The following DLG2 variants were observed in gnomAD, a reference collection of about 807,000 sequenced individuals.
The protein encoded by DLG2 is discs large MAGUK scaffold protein 2, also known as disks large homolog 2.
In DLG2, 45 loss-of-function variants were observed where a neutral mutation model predicts 132.5. The ratio of observed to expected loss-of-function variants is 0.34; its 90% CI spans 0.27 to 0.44. The LOEUF (loss-of-function observed/expected upper bound fraction) is 0.44, where lower values mean the gene tolerates loss of function less well. DLG2 is among the 20% of genes least tolerant of loss of function. The probability of loss-of-function intolerance (pLI) is 1.00; values close to 1 mark genes in which losing one functional copy is unlikely to be tolerated. For synonymous variants in DLG2, 424 were observed against 419.6 expected (o/e 1.01, Z -0.13); for missense variants, 1,045 against 1,196.9 (o/e 0.87, Z 1.87).
intron 6 of DLG2, chr11:84,546,943 G>A (rs1253250574): frequency 1.9e-5 from 3 of 157,724 alleles, no homozygotes; most frequent in East Asian, 1.8e-4. Flanking sequence ...TAAGTTTCTA[G>A]AACCTCAGTT....
At chr11:84,111,999 T>A (rs559157713) in intron 9 of DLG2, among the ~76,000 whole-genome samples, 1 of 152,242 alleles carries the variant, frequency 6.6e-6, no homozygotes, top group African/African-American at 2.4e-5. Flanking sequence ...GACTTTTTTT[T>A]TAACCACTTT....
chr11:84,972,313 A>T (rs2054216877), intron 6 of DLG2, among the ~76,000 whole-genome samples: 1 of 149,540 alleles, frequency 6.7e-6, no homozygotes, highest in Non-Finnish European at 1.5e-5. Flanking sequence ...TCTTTCCTAT[A>T]AAAAAAAACT....
intron 6 of DLG2, among the ~76,000 whole-genome samples, chr11:84,874,236 TATAA>T (rs2085953868): frequency 6.6e-6 from 1 of 152,174 alleles, no homozygotes; most frequent in Non-Finnish European, 1.5e-5. Context: ...CTGACTATCT[TATAA>T]ATAGTCAAGG....
chr11:85,505,583 T>C (rs548695269), intron 3 of DLG2, among the ~76,000 whole-genome samples: 2 of 152,328 alleles, frequency 1.3e-5, no homozygotes, highest in South Asian at 4.1e-4. Context: ...TTGATGGTGG[T>C]GGATAAGATT....
At position 85,475,991 on chromosome 11, in the gene DLG2, C is replaced by A. The variant is rs374016416; in HGVS notation, c.40+122666G>T. On this transcript the variant is annotated intron_variant, in intron 3 of 27. Coordinates refer to ENST00000376104, the MANE Select transcript of DLG2 (RefSeq NM_001142699.3). Reference sequence around the variant, plus strand: ...TACTAACAAACAATCTATAGTTATGCATTGTTTAATGACAGGGATATGTTC... The same window carrying A: ...TACTAACAAACAATCTATAGTTATGAATTGTTTAATGACAGGGATATGTTC... Among the ~76,000 whole-genome samples the A allele has an allele frequency of 8.5e-5, 13 of 152,230 alleles. No individual in the cohort carries two copies. The South Asian group carries it at 1.5e-3, about 17-fold the overall frequency.
chr11:85,538,233 C>A (rs2075733199), intron 3 of DLG2, among the ~76,000 whole-genome samples: 1 of 151,936 alleles, frequency 6.6e-6, no homozygotes, highest in Non-Finnish European at 1.5e-5. Flanking sequence ...ACACACTATC[C>A]CCCAAAGCCA....
At chr11:84,966,286 T>C (rs1017846869) in intron 6 of DLG2, among the ~76,000 whole-genome samples, 1 of 152,034 alleles carries the variant, frequency 6.6e-6, no homozygotes, top group African/African-American at 2.4e-5. Flanking sequence ...AGTATTACAG[T>C]TCACATAAAA....
chr11:84,000,702 T>C (rs1381679131), intron 11 of DLG2, among the ~76,000 whole-genome samples: 1 of 152,012 alleles, frequency 6.6e-6, no homozygotes, highest in East Asian at 1.9e-4. Flanking sequence ...GGAAATGCAA[T>C]GATATATTAA....
chr11:85,581,406 TG>T (rs1345415069), intron 3 of DLG2, among the ~76,000 whole-genome samples: 2 of 151,596 alleles, frequency 1.3e-5, no homozygotes, highest in Non-Finnish European at 2.9e-5. Flanking sequence ...TGCACTCAGT[TG>T]AAGACCAGCC....
At chr11:85,404,298 G>C (rs538050279) in intron 3 of DLG2, among the ~76,000 whole-genome samples, 23 of 151,980 alleles carry the variant, frequency 1.5e-4, no homozygotes, top group African/African-American at 4.8e-4. Flanking sequence ...ATTCAGAAGA[G>C]GACCAAAGAT....
Position 84,099,049 on chromosome 11 carries a change from T to G in DLG2, c.625-2A>C. 6.2e-7 allele frequency: 1 copy of G among 1,612,366 alleles called. No homozygotes were observed. The highest frequency in any genetic ancestry group is 8.5e-7 in the Non-Finnish European group (1 of 1,178,762). On this transcript the variant is annotated splice_acceptor_variant, in intron 9 of 27. Transcript: ENST00000376104. LOFTEE classifies it high-confidence loss of function. The stretch of plus-strand genomic sequence containing the variant: ...ACTGAATCCCAGGCCAGAATTCCCC[T>G]ATAGAAACAAAAAGCAGATATTAAA...
chr11:84,396,387 TA>T (rs565615067), intron 7 of DLG2, among the ~76,000 whole-genome samples: 135 of 151,688 alleles, frequency 8.9e-4, no homozygotes, highest in African/African-American at 2.6e-3. Context: ...AAAGATACTT[TA>T]AAAAAAAATA....
intron 7 of DLG2, among the ~76,000 whole-genome samples, chr11:84,408,684 C>G (rs2098875297): frequency 6.6e-6 from 1 of 152,214 alleles, no homozygotes. Flanking sequence ...GAAGCAAGCA[C>G]ATCTGTGATT....
At chr11:84,928,543 A>T (rs1389446565) in intron 6 of DLG2, among the ~76,000 whole-genome samples, 1 of 151,932 alleles carries the variant, frequency 6.6e-6, no homozygotes, top group Non-Finnish European at 1.5e-5. Flanking sequence ...GAAGGTAAAA[A>T]GGTGCTATCA....
At chr11:84,903,060 C>A (rs536410435) in intron 6 of DLG2, among the ~76,000 whole-genome samples, 1 of 44,548 alleles carries the variant, frequency 2.2e-5, no homozygotes, top group Non-Finnish European at 6.5e-5. Flanking sequence ...TGATTCCATA[C>A]CCAGGCCATC....
At chr11:84,462,058 C>G (rs751186602) in intron 7 of DLG2, among the ~76,000 whole-genome samples, 31 of 151,018 alleles carry the variant, frequency 2.1e-4, no homozygotes, top group Non-Finnish European at 1.5e-4. Context: ...CTCTATGACT[C>G]ACTTTTGTCA....
At chr11:84,955,245 C>A (rs1226935689) in intron 6 of DLG2, 1 of 152,160 alleles carries the variant, frequency 6.6e-6, no homozygotes, top group African/African-American at 2.4e-5. Context: ...AGTTTTTATT[C>A]TGTACCAGTC....
chr11:83,490,873 C>A (rs574611609), intron 21 of DLG2, among the ~76,000 whole-genome samples: 1 of 151,844 alleles, frequency 6.6e-6, no homozygotes, highest in Non-Finnish European at 1.5e-5. Flanking sequence ...AATGTGTAGT[C>A]CTGAGTCAGA....
intron 3 of DLG2, among the ~76,000 whole-genome samples, chr11:85,465,348 A>G (rs2092752181): frequency 6.6e-6 from 1 of 151,898 alleles, no homozygotes. Context: ...GTACATGAGC[A>G]CAATGTGCAC....
Sources: gnomAD v4.1 joint callset for allele counts (sites outside exome capture counted in the v4.1 genomes callset) on GRCh38, gnomAD v4.1.1 for gene constraint, MANE v1.5 for transcripts, NCBI Gene and HGNC (gene_info 2026-07-23, HGNC 2026-07-21) for gene names.